PPP3CC: variants seen among roughly 807,000 people sequenced by gnomAD.
PPP3CC encodes the protein protein phosphatase 3 catalytic subunit gamma.
PPP3CC carries 35 observed loss-of-function variants against 60.3 expected under a neutral mutation model. The ratio of observed to expected loss-of-function variants is 0.58; its 90% confidence interval spans 0.44 to 0.77. PPP3CC has a LOEUF of 0.77. Ranked by LOEUF, PPP3CC falls within the 30% of genes least tolerant of loss-of-function variation. The pLI, the probability that PPP3CC is intolerant of heterozygous loss-of-function variation, is 0.00. For missense variants in PPP3CC, 570 were observed against 628.9 expected, an observed-to-expected ratio of 0.91 and a Z score of 1.00; for synonymous variants, 206 against 224.3, an observed-to-expected ratio of 0.92 and a Z score of 0.73.
chr8:22,483,650 C>T lies in PPP3CC; in HGVS notation c.372+8026C>T, dbSNP rs143431924. Among the ~76,000 whole-genome samples, 700 of 152,182 alleles carry T rather than the reference C, an allele frequency of 4.6e-3. 7 individuals are homozygous for T. Among genetic ancestry groups the T allele is most frequent in the Middle Eastern group, 0.01 (3 of 294 alleles). On this transcript the variant is annotated intron_variant, in intron 3 of 13. Coordinates refer to ENST00000240139, the MANE Select transcript of PPP3CC (RefSeq NM_005605.5). ...CATACAAAATTCCATTTATAAATTC[C>T]GTTTTCACAAACCCTATTACAATTT...
chr8:22,519,945 T>C (rs1028716459), intron 6 of PPP3CC, among the ~76,000 whole-genome samples: 1 of 152,166 alleles, frequency 6.6e-6, no homozygotes, highest in Admixed American at 6.5e-5. Context: ...CACGAGCCAC[T>C]GTGGCCAGCT....
At chr8:22,510,182 CA>C (rs71546815) in intron 4 of PPP3CC, among the ~76,000 whole-genome samples, 1,189 of 88,234 alleles carry the variant, frequency 0.013, 12 homozygotes, top group African/African-American at 0.044. Flanking sequence ...GACTCCGTCT[CA>C]AAAAAAAAAA....
intron 3 of PPP3CC, among the ~76,000 whole-genome samples, chr8:22,491,813 T>C (rs1381458437): frequency 6.6e-6 from 1 of 152,206 alleles, no homozygotes; most frequent in African/African-American, 2.4e-5. Flanking sequence ...TGAAATTTAT[T>C]GAGACTCCTT....
chr8:22,513,484 T>C, intron 6 of PPP3CC, 52 bp downstream of exon 6: 1 of 1,505,388 alleles, frequency 6.6e-7, no homozygotes, highest in East Asian at 2.4e-5. Flanking sequence ...TAATTCATTT[T>C]ATCAGATGAT....
intron 3 of PPP3CC, chr8:22,492,834 A>C: frequency 2.0e-6 from 2 of 992,726 alleles, no homozygotes; most frequent in Admixed American, 3.4e-5. Context: ...ACAGTGATCC[A>C]CTTTAACAGC....
intron 4 of PPP3CC, 114 bp from the exon 5 acceptor site, chr8:22,510,972 C>G: frequency 8.6e-7 from 1 of 1,167,116 alleles, no homozygotes. Flanking sequence ...ATTGTGCTTT[C>G]AAATCATCTA....
At chr8:22,526,870 T>A (rs1372115997) in intron 8 of PPP3CC, among the ~76,000 whole-genome samples, 1 of 152,222 alleles carries the variant, frequency 6.6e-6, no homozygotes, top group Non-Finnish European at 1.5e-5. Context: ...TTAATCTAAT[T>A]TTGAACATTT....
chr8:22,514,248 CAAAAAA>C (rs66505760), intron 6 of PPP3CC, among the ~76,000 whole-genome samples: 2 of 89,488 alleles, frequency 2.2e-5, no homozygotes, highest in Non-Finnish European at 4.3e-5. Context: ...ACTCTGTCTC[CAAAAAA>C]AAAAAAAAAA....
chr8:22,466,302 C>T (rs1366600832), intron 1 of PPP3CC, among the ~76,000 whole-genome samples: 4 of 152,168 alleles, frequency 2.6e-5, no homozygotes, highest in African/African-American at 9.7e-5. Flanking sequence ...AACATACGTG[C>T]ACATGTGTCT....
At position 22,521,350 on chromosome 8, in the gene PPP3CC, C is replaced by T. The variant is rs144650401; in HGVS notation, c.771-1141C>T. ...ATCTGTTACTAGGGGCATCAACAGACATGGTTCCTTCCCAGGATGGATGAG... is the reference window on the plus strand; with the variant it reads ...ATCTGTTACTAGGGGCATCAACAGATATGGTTCCTTCCCAGGATGGATGAG... On this transcript the variant is annotated intron_variant, in intron 6 of 13. Coordinates refer to ENST00000240139, the MANE Select transcript of PPP3CC (RefSeq NM_005605.5). Among the ~76,000 whole-genome samples, 4 of 152,298 alleles carry T rather than the reference C, an allele frequency of 2.6e-5. No homozygotes were observed. In the East Asian group the frequency reaches 7.7e-4, roughly 29 times the overall value.
At chr8:22,520,661 C>A (rs1229557291) in intron 6 of PPP3CC, among the ~76,000 whole-genome samples, 2 of 152,044 alleles carry the variant, frequency 1.3e-5, no homozygotes, top group African/African-American at 2.4e-5. Flanking sequence ...CTATTTGCTT[C>A]TTTTTTATGG....
intron 6 of PPP3CC, among the ~76,000 whole-genome samples, chr8:22,520,559 T>C (rs1290793584): frequency 6.6e-6 from 1 of 152,204 alleles, no homozygotes; most frequent in Non-Finnish European, 1.5e-5. Context: ...GTCTTTTAAG[T>C]TTCCCAGTTC....
At chr8:22,521,725 C>T (rs898096390) in intron 6 of PPP3CC, among the ~76,000 whole-genome samples, 2 of 152,008 alleles carry the variant, frequency 1.3e-5, no homozygotes, top group Non-Finnish European at 2.9e-5. Flanking sequence ...TAATTAATGC[C>T]TAAGTAATTC....
intron 3 of PPP3CC, among the ~76,000 whole-genome samples, chr8:22,492,046 T>G (rs1254334075): frequency 2.0e-5 from 3 of 152,118 alleles, no homozygotes; most frequent in Non-Finnish European, 4.4e-5. Context: ...ATTTTGCTGT[T>G]GTGAAATCAT....
At chr8:22,472,025 G>A (rs1837737870) in intron 1 of PPP3CC, among the ~76,000 whole-genome samples, 1 of 152,062 alleles carries the variant, frequency 6.6e-6, no homozygotes, top group Non-Finnish European at 1.5e-5. Context: ...TGAGGACTGG[G>A]AGGCTGAGGT....
chr8:22,499,683 A>G (rs1285312405), intron 4 of PPP3CC, among the ~76,000 whole-genome samples: 18 of 152,108 alleles, frequency 1.2e-4, no homozygotes, highest in Admixed American at 1.2e-3. Context: ...TATGTTGGGG[A>G]TGTTTGGGAG....
At chr8:22,533,824 C>CA (rs1409831741) in intron 12 of PPP3CC, among the ~76,000 whole-genome samples, 2 of 149,954 alleles carry the variant, frequency 1.3e-5, no homozygotes, top group Admixed American at 6.6e-5. Context: ...GACTCCATCT[C>CA]AAAAAAAACC....
At chr8:22,462,363 G>A (rs1837386656) in intron 1 of PPP3CC, among the ~76,000 whole-genome samples, 1 of 152,184 alleles carries the variant, frequency 6.6e-6, no homozygotes, top group African/African-American at 2.4e-5. Flanking sequence ...GCATCTGCAA[G>A]CAATTTGTAG....
At chr8:22,454,536 A>G (rs1837133139) in intron 1 of PPP3CC, among the ~76,000 whole-genome samples, 1 of 152,212 alleles carries the variant, frequency 6.6e-6, no homozygotes, top group African/African-American at 2.4e-5. Flanking sequence ...AGCCAGTAAC[A>G]TATTTGTTAT....
Sources: allele counts gnomAD v4.1 joint callset (sites outside exome capture counted in the v4.1 genomes callset), GRCh38; gene constraint gnomAD v4.1.1; transcripts MANE v1.5; gene names NCBI Gene and HGNC (gene_info 2026-07-23, HGNC 2026-07-21).